Variants in ADGRL3 observed in about 807,000 individuals in gnomAD.
The protein encoded by ADGRL3 is calcium-independent alpha-latrotoxin receptor 3.
Under a neutral mutation model 153.5 loss-of-function variants are expected in ADGRL3, and 62 were observed. That is an observed-to-expected ratio of 0.40 (90% CI 0.33 to 0.50). The LOEUF (loss-of-function observed/expected upper bound fraction) is 0.50. ADGRL3 is among the 20% of genes least tolerant of loss of function. The pLI is 0.47. For synonymous variants in ADGRL3, 710 were observed against 672.5 expected, an observed-to-expected ratio of 1.06 and a Z score of -0.86; for missense variants, 1,641 against 1,859.4, an observed-to-expected ratio of 0.88 and a Z score of 2.16.
chr4:61,537,079 G>A (rs188821265), intron 4 of ADGRL3, among the ~76,000 whole-genome samples: 4 of 151,554 alleles, frequency 2.6e-5, no homozygotes, highest in Admixed American at 1.3e-4. Context: ...GTGTCTAGTC[G>A]TGAAGAATTC....
intron 11 of ADGRL3, among the ~76,000 whole-genome samples, chr4:61,908,596 A>C (rs2098707411): frequency 6.8e-6 from 1 of 147,794 alleles, no homozygotes; most frequent in Admixed American, 7.0e-5. Flanking sequence ...CGACAAGAGC[A>C]AAACAACGCC....
intron 5 of ADGRL3, among the ~76,000 whole-genome samples, chr4:61,642,782 G>A (rs990004730): frequency 6.6e-6 from 1 of 152,074 alleles, no homozygotes; most frequent in Non-Finnish European, 1.5e-5. Flanking sequence ...CTCTTTTTTG[G>A]TTCCATATGA....
chr4:61,566,298 C>T (rs972387346), intron 4 of ADGRL3, among the ~76,000 whole-genome samples: 2 of 152,104 alleles, frequency 1.3e-5, no homozygotes, highest in African/African-American at 4.8e-5. Context: ...ATTTCCCCAT[C>T]TTATAAAGAC....
chr4:61,761,560 G>T (rs1013852623), intron 8 of ADGRL3, among the ~76,000 whole-genome samples: 1 of 152,136 alleles, frequency 6.6e-6, no homozygotes, highest in African/African-American at 2.4e-5. Context: ...TTAGGAGACT[G>T]ACACAGGAGG....
chr4:61,864,336 A>AT (rs2098380168), intron 9 of ADGRL3, among the ~76,000 whole-genome samples: 1 of 152,206 alleles, frequency 6.6e-6, no homozygotes, highest in African/African-American at 2.4e-5. Flanking sequence ...TCCCCATTGG[A>AT]TTTAAGCTCC....
In ADGRL3 at chr4:61,311,887, G is replaced by A. The variant is rs115629510; in HGVS notation, c.-239-71237G>A. Reference sequence around the variant, plus strand: ...GAGAAAACTGTGATAGAAACCATGGGCTTCAGGTGATAAGGATGTGTCAAT... The same window carrying A: ...GAGAAAACTGTGATAGAAACCATGGACTTCAGGTGATAAGGATGTGTCAAT... On this transcript the variant is annotated intron_variant, in intron 1 of 26. Transcript: ENST00000683033. 3.9e-3 allele frequency among the ~76,000 whole-genome samples: 590 copies of A among 152,066 alleles called. 5 individuals are homozygous for A. The highest frequency in any genetic ancestry group is 0.014 in the African/African-American group (579 of 41,476).
chr4:61,292,966 G>A (rs1460763724), intron 1 of ADGRL3, among the ~76,000 whole-genome samples: 6 of 152,070 alleles, frequency 3.9e-5, no homozygotes, highest in Non-Finnish European at 8.8e-5. Flanking sequence ...AGGCCCCAAA[G>A]GAACATAAAA....
rs563217828 is a variant in ADGRL3, at chr4:61,290,538, G to A, written c.-240+88773G>A. On this transcript the variant is annotated intron_variant, in intron 1 of 26. Coordinates refer to ENST00000683033, the MANE Select transcript of ADGRL3 (RefSeq NM_001387552.1). ...TTATGCCTGTAATCTCAGCACTTTG[G>A]GAGGCTGAAGTGGGAGGAACAATTG... 1.4e-4 allele frequency among the ~76,000 whole-genome samples: 22 copies of A among 152,054 alleles called. No individual in the cohort carries two copies. In the South Asian group the frequency reaches 4.1e-3, roughly 29 times the overall value.
chr4:61,864,823 C>T (rs971338678), intron 9 of ADGRL3, among the ~76,000 whole-genome samples: 7 of 152,044 alleles, frequency 4.6e-5, no homozygotes, highest in African/African-American at 1.7e-4. Flanking sequence ...CCCAAAGACA[C>T]ATAAAAATAA....
At chr4:61,418,922 TTTAC>T (rs938899422) in intron 2 of ADGRL3, among the ~76,000 whole-genome samples, 1 of 150,840 alleles carries the variant, frequency 6.6e-6, no homozygotes, top group Non-Finnish European at 1.5e-5. Context: ...TAGAAGTTTA[TTTAC>T]AGTTTAGTGA....
At chr4:61,461,405 G>A (rs2097815981) in intron 2 of ADGRL3, among the ~76,000 whole-genome samples, 2 of 152,014 alleles carry the variant, frequency 1.3e-5, no homozygotes, top group Admixed American at 1.3e-4. Flanking sequence ...GAAATAATAA[G>A]TGTTTGAGGT....
At chr4:61,456,220 A>G (rs145714515) in intron 2 of ADGRL3, among the ~76,000 whole-genome samples, 2 of 151,394 alleles carry the variant, frequency 1.3e-5, no homozygotes. Flanking sequence ...AAAAGAGGAT[A>G]TATATGCTTG....
chr4:61,483,644 G>A (rs2098155963), intron 2 of ADGRL3, among the ~76,000 whole-genome samples: 1 of 152,000 alleles, frequency 6.6e-6, no homozygotes, highest in Non-Finnish European at 1.5e-5. Flanking sequence ...GGCTGAGGCA[G>A]GATAATTGCT....
chr4:61,431,413 A>G (rs1032535669), intron 2 of ADGRL3, among the ~76,000 whole-genome samples: 1 of 152,182 alleles, frequency 6.6e-6, no homozygotes, highest in Non-Finnish European at 1.5e-5. Flanking sequence ...TGAACGCTCA[A>G]TAGTCGATGA....
At chr4:61,217,956 T>C (rs1743633534) in intron 1 of ADGRL3, among the ~76,000 whole-genome samples, 1 of 152,192 alleles carries the variant, frequency 6.6e-6, no homozygotes, top group African/African-American at 2.4e-5. Flanking sequence ...TGGAAAACAA[T>C]TGTTAAGGAA....
At chr4:61,921,306 C>G (rs1376612845) in intron 13 of ADGRL3, among the ~76,000 whole-genome samples, 2 of 152,130 alleles carry the variant, frequency 1.3e-5, no homozygotes, top group Non-Finnish European at 2.9e-5. Context: ...CCAGGGCACG[C>G]CACTGACATT....
intron 4 of ADGRL3, among the ~76,000 whole-genome samples, chr4:61,534,998 C>T (rs1194715745): frequency 6.6e-6 from 1 of 152,016 alleles, no homozygotes; most frequent in African/African-American, 2.4e-5. Flanking sequence ...GAGAAGTGGA[C>T]ATCCTCATCT....
intron 8 of ADGRL3, among the ~76,000 whole-genome samples, chr4:61,746,201 A>G (rs936645856): frequency 1.2e-4 from 19 of 152,330 alleles, no homozygotes; most frequent in African/African-American, 4.6e-4. Context: ...ACCCAGACTC[A>G]TAAAGCAAGT....
intron 5 of ADGRL3, among the ~76,000 whole-genome samples, chr4:61,600,048 G>A (rs1025472925): frequency 3.3e-5 from 5 of 152,058 alleles, no homozygotes; most frequent in African/African-American, 4.8e-5. Flanking sequence ...GGTGGCTCAC[G>A]CCTGTAATGC....
Sources: gnomAD v4.1 joint callset for allele counts (sites outside exome capture counted in the v4.1 genomes callset) on GRCh38, gnomAD v4.1.1 for gene constraint, MANE v1.5 for transcripts, NCBI Gene and HGNC (gene_info 2026-07-23, HGNC 2026-07-21) for gene names.